Variants in MFSD8 observed in about 807,000 individuals in gnomAD.
The protein encoded by MFSD8 is major facilitator superfamily domain containing 8, also known as major facilitator superfamily domain-containing protein 8.
Under a neutral mutation model 66.4 loss-of-function variants are expected in MFSD8, and 55 were observed. That is an observed-to-expected ratio of 0.83 (90% CI 0.67 to 1.04). The LOEUF (loss-of-function observed/expected upper bound fraction) is 1.04, where lower values mean the gene tolerates loss of function less well. MFSD8 is among the 50% of genes least tolerant of loss of function. The pLI is 0.00. For missense variants in MFSD8, 550 were observed against 627.6 expected (o/e 0.88, Z 1.32); for synonymous variants, 202 against 212.8 (o/e 0.95, Z 0.44).
chr4:127,965,528 A>G, upstream of MFSD8: 2 of 305,272 alleles, frequency 6.6e-6, no homozygotes. Flanking sequence ...ACCAAAGTTG[A>G]GTCCTGGAAA....
At chr4:127,934,392 TG>T (rs1738679529) in intron 7 of MFSD8, among the ~76,000 whole-genome samples, 1 of 152,174 alleles carries the variant, frequency 6.6e-6, no homozygotes, top group South Asian at 2.1e-4. Context: ...GTAAGTGTAC[TG>T]ACTTCTCATC....
At chr4:127,950,424 T>A (rs1741743741) in intron 2 of MFSD8, among the ~76,000 whole-genome samples, 8 of 152,238 alleles carry the variant, frequency 5.3e-5, no homozygotes, top group Admixed American at 5.2e-4. Context: ...CAGCAGTGAC[T>A]TATGCCTGTA....
Position 127,930,731 on chromosome 4 carries a change from C to A in MFSD8, c.950G>T (p.Gly317Val). 1 of 1,613,518 alleles carries A rather than the reference C, an allele frequency of 6.2e-7. No individual in the cohort carries two copies. Among genetic ancestry groups the A allele is most frequent in the Non-Finnish European group, 8.5e-7 (1 of 1,179,776 alleles). ...TAAGAAAATAACAACGGCTTCAACC[C>A]CAAGAGCAGCAAGTATTATGCCATT... ...LYNGIILAALGVEAVVIFLGV... is the reference protein window; with the variant it reads ...LYNGIILAALVVEAVVIFLGV... Residue 317 changes from glycine to valine, a missense_variant, in exon 9 of 12, where the codon GGG becomes GTG. Gly to Val is a moderately radical substitution (Grantham distance 109). Coordinates refer to ENST00000641686, the MANE Select transcript of MFSD8 (RefSeq NM_001371596.2).
At chr4:127,951,910 C>T (rs1046311982) in intron 2 of MFSD8, among the ~76,000 whole-genome samples, 3 of 150,604 alleles carry the variant, frequency 2.0e-5, no homozygotes, top group Admixed American at 6.6e-5. Flanking sequence ...TTGTATTTTT[C>T]GTAGAGATGG....
chr4:127,924,945 A>C (rs978466075), intron 9 of MFSD8, among the ~76,000 whole-genome samples: 2 of 152,176 alleles, frequency 1.3e-5, no homozygotes, highest in Admixed American at 1.3e-4. Context: ...CCACACATCT[A>C]CAACCATCTG....
intron 7 of MFSD8, 27 bp downstream of exon 7, chr4:127,938,756 T>C (rs763203489): frequency 6.3e-7 from 1 of 1,574,960 alleles, no homozygotes; most frequent in East Asian, 2.3e-5. Flanking sequence ...AATGTTATAT[T>C]AATTCAGCCA....
rs1736414940 is a variant in MFSD8, at chr4:127,922,035, TA to T, written c.999-73del. 3.1e-6 allele frequency: 4 copies of T among 1,272,344 alleles called. No individual in the cohort carries two copies. In the African/African-American group the frequency reaches 5.9e-5, roughly 19 times the overall value. The allele number at this position is 1,272,344 out of a possible 1,614,324, so 78.8% of individuals were successfully genotyped here. A position where few individuals can be genotyped will look rare whatever the true frequency, so the allele number is the denominator to read the frequency against. ...CATAGCTTCATTACTTTCATAATTT[TA>T]AAAACTAAAAATAATATCTTGTACT... is the stretch of plus-strand genomic sequence containing the variant. On this transcript the variant is annotated intron_variant, in intron 9 of 11. Coordinates refer to ENST00000641686, the MANE Select transcript of MFSD8 (RefSeq NM_001371596.2).
chr4:127,929,065 T>C (rs944074917), intron 9 of MFSD8, among the ~76,000 whole-genome samples: 2 of 151,846 alleles, frequency 1.3e-5, no homozygotes, highest in African/African-American at 4.8e-5. Flanking sequence ...TTCACGCCTG[T>C]AATCCCAGCA....
chr4:127,927,456 G>A (rs561270491), intron 9 of MFSD8, among the ~76,000 whole-genome samples: 2 of 152,258 alleles, frequency 1.3e-5, no homozygotes, highest in East Asian at 3.9e-4. Flanking sequence ...GATTGCAGGC[G>A]TGAGCCACTG....
At chr4:127,953,879 C>T (rs1317070880) in intron 2 of MFSD8, among the ~76,000 whole-genome samples, 1 of 152,012 alleles carries the variant, frequency 6.6e-6, no homozygotes, top group Non-Finnish European at 1.5e-5. Context: ...TCTTTTTACC[C>T]AGTACTGAAT....
chr4:127,954,883 A>G (rs1012235271), intron 2 of MFSD8, among the ~76,000 whole-genome samples: 13 of 152,198 alleles, frequency 8.5e-5, no homozygotes, highest in African/African-American at 3.1e-4. Context: ...AGCACAAGAA[A>G]CATGTTCAAC....
At position 127,931,956 on chromosome 4, in the gene MFSD8, A is replaced by T. The variant is rs565146011; in HGVS notation, c.863+1029T>A. On this transcript the variant is annotated intron_variant, in intron 8 of 11. Transcript: ENST00000641686. ...AAATCCTGTCTCTACAAAAAATATAAACAAATTAGCTGAGCATGGTGGCGC... is the reference window on the plus strand; with the variant it reads ...AAATCCTGTCTCTACAAAAAATATATACAAATTAGCTGAGCATGGTGGCGC... Among the ~76,000 whole-genome samples, 28 of 152,144 alleles carry T rather than the reference A, an allele frequency of 1.8e-4. No homozygotes were observed. The South Asian group carries it at 5.6e-3, about 30-fold the overall frequency.
At position 127,929,322 on chromosome 4, in the gene MFSD8, C is replaced by CAAAA. The variant is rs543453360; in HGVS notation, c.998+1357_998+1360dup. On this transcript the variant is annotated intron_variant, in intron 9 of 11. Coordinates refer to ENST00000641686, the MANE Select transcript of MFSD8 (RefSeq NM_001371596.2). ...TGGGCAACAGAGCGAGACTCCGTCA[C>CAAAA]AAAAAAAAAAAAAAAAAAAAAAAAA... Among the ~76,000 whole-genome samples, 22 of 30,362 alleles carry CAAAA rather than the reference C, an allele frequency of 7.2e-4. 1 individual carries two copies. The highest frequency in any genetic ancestry group is 1.5e-3 in the African/African-American group (8 of 5,406). 19.9% of individuals were successfully genotyped at this position (30,362 alleles called of 152,430 possible). A position where few individuals can be genotyped will look rare whatever the true frequency, so the allele number is the denominator to read the frequency against.
intron 1 of MFSD8, among the ~76,000 whole-genome samples, chr4:127,959,056 C>T (rs1743328754): frequency 6.6e-6 from 1 of 152,132 alleles, no homozygotes; most frequent in Non-Finnish European, 1.5e-5. Context: ...AAAGATATAG[C>T]AGTCACCCTC....
chr4:127,924,510 A>T (rs929062843), intron 9 of MFSD8, among the ~76,000 whole-genome samples: 1 of 152,198 alleles, frequency 6.6e-6, no homozygotes, highest in Non-Finnish European at 1.5e-5. Flanking sequence ...AGAGAATAAA[A>T]TATCTAGGAA....
intron 4 of MFSD8, 155 bp downstream of exon 4, chr4:127,943,597 C>G (rs1202234735): frequency 1.6e-5 from 14 of 883,248 alleles, no homozygotes; most frequent in Non-Finnish European, 2.4e-5. Flanking sequence ...TGAGCAAAGG[C>G]AAAATGATAA....
chr4:127,959,917 AAT>A (rs1233134192), intron 1 of MFSD8, among the ~76,000 whole-genome samples: 1 of 152,204 alleles, frequency 6.6e-6, no homozygotes, highest in Non-Finnish European at 1.5e-5. Context: ...GATTCAGACA[AAT>A]ATGTCACATA....
At chr4:127,953,461 CAAAAAAAAA>C (rs368450161) in intron 2 of MFSD8, among the ~76,000 whole-genome samples, 1 of 76,538 alleles carries the variant, frequency 1.3e-5, no homozygotes, top group East Asian at 3.0e-4. Context: ...GCACTCAGCT[CAAAAAAAAA>C]AAAAGAATAA....
At chr4:127,949,570 G>T (rs1741603648) in intron 3 of MFSD8, among the ~76,000 whole-genome samples, 1 of 152,042 alleles carries the variant, frequency 6.6e-6, no homozygotes, top group Admixed American at 6.6e-5. Flanking sequence ...GGACTATCTG[G>T]GTATGATCCT....
Sources: gnomAD v4.1 joint callset for allele counts (sites outside exome capture counted in the v4.1 genomes callset) on GRCh38, gnomAD v4.1.1 for gene constraint, MANE v1.5 for transcripts, NCBI Gene and HGNC (gene_info 2026-07-23, HGNC 2026-07-21) for gene names.